The following CYP4F12 variants were observed in gnomAD, a reference collection of about 807,000 sequenced individuals.
The protein encoded by CYP4F12 is cytochrome P450 family 4 subfamily F member 12.
In CYP4F12, 60 loss-of-function variants were observed where a neutral mutation model predicts 56.5. The observed-to-expected ratio is 1.06, with a 90% CI of 0.86 to 1.32. The LOEUF is 1.32. Ranked by LOEUF, CYP4F12 falls within the 40% of genes most tolerant of loss-of-function variation. The probability of loss-of-function intolerance (pLI) is 0.00; values close to 1 mark genes in which losing one functional copy is unlikely to be tolerated. For synonymous variants in CYP4F12, 263 were observed against 264.9 expected (o/e 0.99, Z 0.07); for missense variants, 711 against 683.5 (o/e 1.04, Z -0.45).
intron 9 of CYP4F12, among the ~76,000 whole-genome samples, chr19:15,685,625 T>C (rs2007565247): frequency 6.6e-6 from 1 of 152,166 alleles, no homozygotes; most frequent in African/African-American, 2.4e-5. Context: ...CAGAACTTGG[T>C]ATCCAACCTG....
chr19:15,684,810 C>A lies in CYP4F12; in HGVS notation c.919-6C>A. The A allele has an allele frequency of 1.3e-6, 2 of 1,586,828 alleles. No individual in the cohort carries two copies. The highest frequency in any genetic ancestry group is 1.7e-6 in the Non-Finnish European group (2 of 1,162,444). ...TGTGTGTGTGTGTGTCTTGCTTTCT[C>A]TTCAGGATGAAGATGGGAAGGCATT... On this transcript the variant is annotated splice_region_variant and splice_polypyrimidine_tract_variant and intron_variant, in intron 7 of 12. Transcript: ENST00000550308.
At position 15,683,601 on chromosome 19, in the gene CYP4F12, C is replaced by T. The variant is rs61731191; in HGVS notation, c.756C>T (p.Asp252=). Residue 252 remains aspartate, a synonymous_variant, in exon 7 of 13, where the codon GAC becomes GAT. Coordinates refer to ENST00000550308, the MANE Select transcript of CYP4F12 (RefSeq NM_023944.4). ...ACTTTCTGTATTACCTCTCCCATGA[C>T]GGGCGGCGCTTCCACAGGGCCTGCC... is the stretch of plus-strand genomic sequence containing the variant. ...HMDFLYYLSH[D]GRRFHRACRL... The T allele has an allele frequency of 3.6e-3, 5,776 of 1,613,108 alleles. 19 individuals are homozygous for T. In the African/African-American group the frequency reaches 0.069, roughly 19 times the overall value.
intron 9 of CYP4F12, among the ~76,000 whole-genome samples, chr19:15,689,566 A>T (rs1004856335): frequency 1.2e-4 from 19 of 152,236 alleles, no homozygotes; most frequent in African/African-American, 4.6e-4. Context: ...GCGAACTAAA[A>T]GTAAATCTAC....
chr19:15,692,599 C>A (rs2007922315), intron 9 of CYP4F12, among the ~76,000 whole-genome samples: 1 of 152,126 alleles, frequency 6.6e-6, no homozygotes, highest in African/African-American at 2.4e-5. Flanking sequence ...AAAAAGGCAA[C>A]TGAACCTTGT....
At position 15,696,088 on chromosome 19, in the gene CYP4F12, G is replaced by A; in HGVS notation, c.1249+19G>A. 6.2e-7 allele frequency: 1 copy of A among 1,611,618 alleles called. No individual in the cohort carries two copies. The highest frequency in any genetic ancestry group is 8.5e-7 in the Non-Finnish European group (1 of 1,178,548). ...CCCAAAGGTGCCCACAGCCTCAGGGGGAGAAGCCTCCCGGGTAGGAAGATG... is the reference window on the plus strand; with the variant it reads ...CCCAAAGGTGCCCACAGCCTCAGGGAGAGAAGCCTCCCGGGTAGGAAGATG... On this transcript the variant is annotated intron_variant, in intron 10 of 12. Coordinates refer to ENST00000550308, the MANE Select transcript of CYP4F12 (RefSeq NM_023944.4).
intron 2 of CYP4F12, among the ~76,000 whole-genome samples, chr19:15,676,048 C>G (rs1352746068): frequency 3.3e-5 from 5 of 152,114 alleles, no homozygotes; most frequent in Non-Finnish European, 7.4e-5. Context: ...AGGCCTGAGT[C>G]CCTGGAGTTC....
rs1457778946 is a variant in CYP4F12 at position 15,673,903 on chromosome 19, TCCTC to T, written c.198+177_198+180del. On this transcript the variant is annotated intron_variant, in intron 2 of 12. Coordinates refer to ENST00000550308, the MANE Select transcript of CYP4F12 (RefSeq NM_023944.4). The stretch of plus-strand genomic sequence containing the variant: ...CTCACTCATTCCTCTACCCACTCAC[TCCTC>T]TACCCACTCACTCACTCCTCTACCC... 8.9e-3 allele frequency among the ~76,000 whole-genome samples: 15 copies of T among 1,680 alleles called. 6 individuals carry two copies. Among genetic ancestry groups the T allele is most frequent in the Admixed American group, 0.021 (2 of 96 alleles). 1.1% of individuals were successfully genotyped at this position (1,680 alleles called of 152,430 possible). A position where few individuals can be genotyped will look rare whatever the true frequency, so the allele number is the denominator to read the frequency against.
At chr19:15,673,895 C>CCACT (rs2006753993) in intron 2 of CYP4F12, among the ~76,000 whole-genome samples, 168 bp downstream of exon 2, 1 of 1,852 alleles carries the variant, frequency 5.4e-4, no homozygotes. Context: ...ATTCCTCTAC[C>CCACT]CACTCACTCC....
rs181885568 is a variant in CYP4F12 at position 15,682,606 on chromosome 19, G to A, written c.647+96G>A. On this transcript the variant is annotated intron_variant, in intron 6 of 12. Coordinates refer to ENST00000550308, the MANE Select transcript of CYP4F12 (RefSeq NM_023944.4). ...AGCAAAGTAACCAGAAGTACCTTTC[G>A]GGAGGATTTGTATCATAGCTGTGCT... 5.5e-5 allele frequency: 85 copies of A among 1,550,456 alleles called. No homozygotes were observed. The African/African-American group carries it at 8.4e-4, about 15-fold the overall frequency.
At chr19:15,678,756 G>C (rs1333071317) in intron 3 of CYP4F12, among the ~76,000 whole-genome samples, 1 of 152,230 alleles carries the variant, frequency 6.6e-6, no homozygotes, top group Non-Finnish European at 1.5e-5. Context: ...TGGAGGAAGA[G>C]TTGTTGGAGC....
intron 2 of CYP4F12, among the ~76,000 whole-genome samples, chr19:15,677,111 G>C (rs62640400): frequency 0.37 from 3,181 of 8,634 alleles, 556 homozygotes; most frequent in East Asian, 0.52. Context: ...TCATTCCTCT[G>C]CTCACTCACT....
At chr19:15,683,859 A>G (rs2007453905) in intron 7 of CYP4F12, 96 bp downstream of exon 7, 2 of 1,443,656 alleles carry the variant, frequency 1.4e-6, no homozygotes, top group Middle Eastern at 3.7e-4. Flanking sequence ...GGGCACTGGG[A>G]GCCATGGAAG....
chr19:15,696,808 C>A, intron 12 of CYP4F12, 100 bp from the exon 13 acceptor site: 1 of 1,429,542 alleles, frequency 7.0e-7, no homozygotes, highest in Non-Finnish European at 9.3e-7. Context: ...CTCTCTCAGG[C>A]TGAGCTGGGT....
chr19:15,691,137 T>C (rs1229972281), intron 9 of CYP4F12, among the ~76,000 whole-genome samples: 4 of 152,258 alleles, frequency 2.6e-5, no homozygotes, highest in Non-Finnish European at 5.9e-5. Context: ...GTCTCTGTAC[T>C]GATTTAGCTT....
rs779428161 is a variant in CYP4F12 at position 15,678,280 on chromosome 19, G to A, written c.218G>A (p.Gly73Asp). 1 of 1,614,192 alleles carries A rather than the reference G, an allele frequency of 6.2e-7. No individual in the cohort carries two copies. Among genetic ancestry groups the A allele is most frequent in the East Asian group, 2.2e-5 (1 of 44,882 alleles). Reference sequence around the variant, plus strand: ...TTTCAGATCACTCCTACAGAGGAGGGCTTGAAGAACTCGACCCAGATGTCG... The same window carrying A: ...TTTCAGATCACTCCTACAGAGGAGGACTTGAAGAACTCGACCCAGATGTCG... ...HLGLITPTEE[G>D]LKNSTQMSAT... Residue 73 changes from glycine (G) to aspartate (D), a missense_variant, in exon 3 of 13, where the codon GGC (glycine) becomes GAC (aspartate). By Grantham distance (94) the Gly-to-Asp change is moderately conservative. Transcript: ENST00000550308.
chr19:15,685,306 GGTAT>G, intron 9 of CYP4F12, 109 bp downstream of exon 9: 1 of 1,496,574 alleles, frequency 6.7e-7, no homozygotes, highest in Non-Finnish European at 9.0e-7. Flanking sequence ...TTGCTTAGTG[GGTAT>G]AAAAGCAGAG....
At chr19:15,695,113 C>A (rs892461471) in intron 9 of CYP4F12, among the ~76,000 whole-genome samples, 3 of 151,926 alleles carry the variant, frequency 2.0e-5, no homozygotes, top group African/African-American at 7.3e-5. Flanking sequence ...AAATGTCCAA[C>A]AATGATAGAC....
chr19:15,682,502 T>G lies in CYP4F12; in HGVS notation c.639T>G (p.His213Gln). Residue 213 changes from histidine (H) to glutamine (Q), a missense_variant, in exon 6 of 13, where the codon CAT becomes CAG. Physicochemically the swap from His to Gln is conservative, Grantham distance 24. Coordinates refer to ENST00000550308, the MANE Select transcript of CYP4F12 (RefSeq NM_023944.4). ...AATGCATCTTCAGCTTTGACAGCCA[T>G]TGTCAGGAGTGAGTTCCTTCCTAGG... ...LQKCIFSFDS[H>Q]CQERPSEYIA... The G allele has an allele frequency of 6.2e-7, 1 of 1,613,422 alleles. No individual in the cohort carries two copies. The highest frequency in any genetic ancestry group is 8.5e-7 in the Non-Finnish European group (1 of 1,179,524).
At chr19:15,690,928 T>C (rs888544294) in intron 9 of CYP4F12, among the ~76,000 whole-genome samples, 1 of 152,238 alleles carries the variant, frequency 6.6e-6, no homozygotes, top group Non-Finnish European at 1.5e-5. Context: ...TCTTCTTATA[T>C]TCCTTATATT....
Sources: gnomAD v4.1 joint callset for allele counts (sites outside exome capture counted in the v4.1 genomes callset) on GRCh38, gnomAD v4.1.1 for gene constraint, MANE v1.5 for transcripts, NCBI Gene and HGNC (gene_info 2026-07-23, HGNC 2026-07-21) for gene names.